LMBRD1: variants seen among roughly 807,000 people sequenced by gnomAD.
The protein encoded by LMBRD1 is lysosomal cobalamin transport escort protein LMBD1.
LMBRD1 carries 64 observed loss-of-function variants against 74.8 expected under a neutral mutation model. The ratio of observed to expected loss-of-function variants is 0.86; its 90% CI spans 0.70 to 1.05. The LOEUF is 1.05. LMBRD1 is among the 50% of genes least tolerant of loss of function. The pLI is 0.00. For synonymous variants in LMBRD1, 204 were observed against 216.3 expected, an observed-to-expected ratio of 0.94 and a Z score of 0.50; for missense variants, 652 against 645.9, an observed-to-expected ratio of 1.01 and a Z score of -0.10.
intron 3 of LMBRD1, among the ~76,000 whole-genome samples, chr6:69,758,755 C>A: frequency 6.6e-6 from 1 of 152,108 alleles, no homozygotes; most frequent in East Asian, 1.9e-4. Context: ...TAGAAATGGG[C>A]AAATTCAAAT....
intron 9 of LMBRD1, among the ~76,000 whole-genome samples, chr6:69,709,233 T>C (rs1168289734): frequency 3.4e-5 from 5 of 145,070 alleles, no homozygotes; most frequent in African/African-American, 1.3e-4. Context: ...AAACTCCATC[T>C]CAAAAAAAAA....
chr6:69,752,141 CATTGTATTTCT>C, intron 4 of LMBRD1, 107 bp downstream of exon 4: 3 of 887,956 alleles, frequency 3.4e-6, no homozygotes, highest in Non-Finnish European at 5.1e-6. Context: ...ATTTAGCTAA[CATTGTATTTCT>C]ATTAGACAAC....
At chr6:69,693,754 AT>A (rs1179064905) in intron 14 of LMBRD1, among the ~76,000 whole-genome samples, 12 of 151,804 alleles carry the variant, frequency 7.9e-5, no homozygotes, top group African/African-American at 2.9e-4. Flanking sequence ...ATGGGGTGGC[AT>A]CCCTACCCTT....
Position 69,676,232 on chromosome 6 carries a change from T to C in LMBRD1, c.1549A>G (p.Lys517Glu). ...IGLIVSCCKG[K>E]KSVIEGVDED... Reference sequence around the variant, plus strand: ...TCTACTCCTTCAATAACCGATTTCTTCCCTTTACAACAGGATACAATTAAT... The same window carrying C: ...TCTACTCCTTCAATAACCGATTTCTCCCCTTTACAACAGGATACAATTAAT... Residue 517 changes from lysine (K) to glutamate (E), a missense_variant, in exon 16 of 16, where the codon AAG (lysine) becomes GAG (glutamate). Transcript: ENST00000649934. 1 of 1,613,434 alleles carries C rather than the reference T, an allele frequency of 6.2e-7. No individual in the cohort carries two copies. Among genetic ancestry groups the C allele is most frequent in the East Asian group, 2.2e-5 (1 of 44,766 alleles).
chr6:69,777,764 GT>G (rs1426726531), intron 3 of LMBRD1, among the ~76,000 whole-genome samples: 1 of 152,146 alleles, frequency 6.6e-6, no homozygotes, highest in Admixed American at 6.5e-5. Flanking sequence ...GCCTAGCAAG[GT>G]TAGATCATGA....
At chr6:69,744,115 T>C (rs1193544963) in intron 5 of LMBRD1, among the ~76,000 whole-genome samples, 1 of 152,180 alleles carries the variant, frequency 6.6e-6, no homozygotes, top group East Asian at 1.9e-4. Context: ...TCAGGTATAC[T>C]AAAGTATACT....
intron 9 of LMBRD1, among the ~76,000 whole-genome samples, chr6:69,710,899 G>A (rs557861047): frequency 1.3e-5 from 2 of 152,052 alleles, no homozygotes; most frequent in African/African-American, 4.8e-5. Context: ...AAACAACTTC[G>A]GCAGTTTCTT....
At chr6:69,679,790 A>G (rs1319207838) in intron 14 of LMBRD1, among the ~76,000 whole-genome samples, 2 of 152,088 alleles carry the variant, frequency 1.3e-5, no homozygotes, top group African/African-American at 2.4e-5. Context: ...GGACTTATAA[A>G]AAGGGGATAT....
intron 7 of LMBRD1, among the ~76,000 whole-genome samples, chr6:69,730,673 T>A (rs1766835750): frequency 1.3e-5 from 2 of 152,122 alleles, no homozygotes; most frequent in Admixed American, 1.3e-4. Flanking sequence ...ACTTATGTCT[T>A]AAAAGATAAT....
intron 7 of LMBRD1, among the ~76,000 whole-genome samples, chr6:69,731,367 AC>A (rs1766854340): frequency 6.6e-6 from 1 of 152,062 alleles, no homozygotes; most frequent in South Asian, 2.1e-4. Flanking sequence ...TATTCCAATT[AC>A]CCTGATTTGA....
chr6:69,755,384 GAAC>G (rs200243652), intron 3 of LMBRD1, among the ~76,000 whole-genome samples: 7,717 of 152,040 alleles, frequency 0.051, 230 homozygotes, highest in Middle Eastern at 0.071. Flanking sequence ...TGAACAGTGA[GAAC>G]ACATGGACAC....
rs138095147 is a variant in LMBRD1, at chr6:69,680,696, C to T, written c.1418-4155G>A. On this transcript the variant is annotated intron_variant, in intron 14 of 15. Transcript: ENST00000649934. ...ATAGAAGGCTAAAAATCCACACACACAATAAGTAACAGCTCTTTATATGCA... is the reference window on the plus strand; with the variant it reads ...ATAGAAGGCTAAAAATCCACACACATAATAAGTAACAGCTCTTTATATGCA... Among the ~76,000 whole-genome samples the T allele has an allele frequency of 1.6e-3, 250 of 152,194 alleles. 3 individuals carry two copies. The highest frequency in any genetic ancestry group is 2.7e-3 in the Non-Finnish European group (184 of 67,966).
intron 4 of LMBRD1, among the ~76,000 whole-genome samples, chr6:69,750,247 A>G (rs1765096480): frequency 6.6e-6 from 1 of 151,486 alleles, no homozygotes; most frequent in Admixed American, 6.6e-5. Flanking sequence ...AATTCTCATA[A>G]TAACTCTAAG....
intron 3 of LMBRD1, among the ~76,000 whole-genome samples, chr6:69,779,997 CTCT>C (rs1303588979): frequency 2.0e-5 from 3 of 152,154 alleles, no homozygotes; most frequent in South Asian, 2.1e-4. Context: ...AATACCAGCA[CTCT>C]TCTTCTTGCC....
chr6:69,708,216 A>G (rs1327633133), intron 9 of LMBRD1, among the ~76,000 whole-genome samples: 1 of 152,186 alleles, frequency 6.6e-6, no homozygotes, highest in African/African-American at 2.4e-5. Flanking sequence ...AATGTGTTCA[A>G]TATTATATAT....
chr6:69,793,715 AATCTTTT>A (rs1450540086), intron 1 of LMBRD1, among the ~76,000 whole-genome samples: 108 of 130,732 alleles, frequency 8.3e-4, no homozygotes, highest in African/African-American at 3.6e-3. Flanking sequence ...TCATGTCCTG[AATCTTTT>A]TTTTTTTTTT....
intron 3 of LMBRD1, among the ~76,000 whole-genome samples, chr6:69,757,358 A>T (rs1180618173): frequency 6.6e-6 from 1 of 152,236 alleles, no homozygotes; most frequent in Non-Finnish European, 1.5e-5. Flanking sequence ...AGTTTTTAGC[A>T]ATCAACATCT....
chr6:69,756,213 A>G (rs1327978694), intron 3 of LMBRD1, among the ~76,000 whole-genome samples: 1 of 152,004 alleles, frequency 6.6e-6, no homozygotes, highest in Admixed American at 6.5e-5. Flanking sequence ...ATACAAAAAA[A>G]CTAGCCAGGC....
intron 2 of LMBRD1, among the ~76,000 whole-genome samples, chr6:69,782,738 A>G (rs115788589): frequency 0.015 from 2,293 of 152,168 alleles, 64 homozygotes; most frequent in African/African-American, 0.052. Context: ...ATATGCCTCT[A>G]CTAAAGCACC....
Sources: allele counts gnomAD v4.1 joint callset (sites outside exome capture counted in the v4.1 genomes callset), GRCh38; gene constraint gnomAD v4.1.1; transcripts MANE v1.5; gene names NCBI Gene and HGNC (gene_info 2026-07-23, HGNC 2026-07-21).